Variants in EYS observed in about 807,000 individuals in gnomAD.
EYS encodes the protein protein eyes shut homolog.
In EYS, 250 loss-of-function variants were observed where a neutral mutation model predicts 282.1. That is an observed-to-expected ratio of 0.89 (90% CI 0.80 to 0.98). EYS has a LOEUF of 0.98. EYS is among the 50% of genes least tolerant of loss of function. The pLI, the probability that EYS is intolerant of heterozygous loss-of-function variation, is 0.00. For synonymous variants in EYS, 1,355 were observed against 1,282.9 expected (o/e 1.06, Z -1.20); for missense variants, 4,016 against 3,709.0 (o/e 1.08, Z -2.15).
intron 13 of EYS, among the ~76,000 whole-genome samples, chr6:65,035,876 A>AT (rs1362877140): frequency 6.8e-6 from 1 of 147,820 alleles, no homozygotes; most frequent in Non-Finnish European, 1.5e-5. Context: ...ATTATTAATA[A>AT]TTTGTTTGTA....
chr6:65,384,632 C>T (rs1414046323), intron 7 of EYS, 132 bp from the exon 8 acceptor site: 5 of 593,584 alleles, frequency 8.4e-6, no homozygotes, highest in South Asian at 2.1e-5. Flanking sequence ...TTAATACATA[C>T]CTGTGATCTT....
chr6:64,976,941 G>A (rs1350793864), intron 14 of EYS, among the ~76,000 whole-genome samples: 1 of 151,844 alleles, frequency 6.6e-6, no homozygotes, highest in African/African-American at 2.4e-5. Context: ...CACCCAGGCT[G>A]GAGTGCAGTG....
rs568147891 is a variant in EYS, at chr6:65,680,319, C to A, written c.-448+26816G>T. The stretch of plus-strand genomic sequence containing the variant: ...CAATATGAACTAGATTTGAAAGTTC[C>A]AACCACTTTCAACATTACATAAGAT... On this transcript the variant is annotated intron_variant, in intron 1 of 42. Transcript: ENST00000503581. Among the ~76,000 whole-genome samples the A allele has an allele frequency of 1.3e-3, 196 of 151,920 alleles. 4 individuals are homozygous for A. In the South Asian group the frequency reaches 0.04, roughly 31 times the overall value.
At chr6:64,852,064 A>T (rs759279937) in intron 19 of EYS, among the ~76,000 whole-genome samples, 6 of 152,168 alleles carry the variant, frequency 3.9e-5, no homozygotes, top group Non-Finnish European at 8.8e-5. Context: ...GCCACAATGT[A>T]GACAGTAGTG....
At position 65,495,262 on chromosome 6, in the gene EYS, C is replaced by A. The variant is rs61759464; in HGVS notation, c.149G>T (p.Cys50Phe). The change falls in exon 4 of 43, where the codon TGC becomes TTC. Residue 50 changes from cysteine (C) to phenylalanine (F), a missense_variant. Physicochemically the swap from Cys to Phe is radical, Grantham distance 205 (BLOSUM62 -2). Coordinates refer to ENST00000503581, the MANE Select transcript of EYS (RefSeq NM_001142800.2). ...VVNWTLTENI[C>F]LDFYRDCWFL... ...CCAGCAATCTCTGTAGAAGTCCAAGCAGATGTTTTCTGTTAGTGTCCAATT... is the reference window on the plus strand; with the variant it reads ...CCAGCAATCTCTGTAGAAGTCCAAGAAGATGTTTTCTGTTAGTGTCCAATT... 6 of 1,613,990 alleles carry A rather than the reference C, an allele frequency of 3.7e-6. No homozygotes were observed. The highest frequency in any genetic ancestry group is 5.1e-6 in the Non-Finnish European group (6 of 1,180,036).
At chr6:64,906,949 C>T (rs1767846997) in intron 16 of EYS, among the ~76,000 whole-genome samples, 1 of 152,134 alleles carries the variant, frequency 6.6e-6, no homozygotes, top group African/African-American at 2.4e-5. Flanking sequence ...CACATGGTAA[C>T]ATAATAATTC....
At chr6:64,062,851 C>G (rs1771225763) in intron 33 of EYS, among the ~76,000 whole-genome samples, 2 of 152,078 alleles carry the variant, frequency 1.3e-5, no homozygotes, top group African/African-American at 2.4e-5. Context: ...CACTTTACCT[C>G]TTTTTATACT....
rs143652179 is a variant in EYS, at chr6:64,997,022, C to T, written c.2259+560G>A. On this transcript the variant is annotated intron_variant, in intron 14 of 42. Transcript: ENST00000503581. The stretch of plus-strand genomic sequence containing the variant: ...TCAGGCTTTGTGAGAAATGAGGAGC[C>T]GGAGGGGATCCCAAATCAATTGCCA... Among the ~76,000 whole-genome samples the T allele has an allele frequency of 3.2e-3, 486 of 152,040 alleles. 2 individuals are homozygous for T. Among genetic ancestry groups the T allele is most frequent in the Middle Eastern group, 0.017 (5 of 294 alleles).
At chr6:65,366,815 C>CT (rs369032310) in intron 8 of EYS, among the ~76,000 whole-genome samples, 5 of 151,550 alleles carry the variant, frequency 3.3e-5, no homozygotes, top group African/African-American at 4.8e-5. Context: ...GTTTCTTTAT[C>CT]TTTTTCTCAG....
chr6:64,600,043 A>G (rs1171688547), intron 24 of EYS, among the ~76,000 whole-genome samples: 1 of 152,102 alleles, frequency 6.6e-6, no homozygotes, highest in Non-Finnish European at 1.5e-5. Context: ...GTAACATTTG[A>G]AGATAAAATG....
At chr6:65,260,745 CTAAA>C (rs1767598465) in intron 12 of EYS, among the ~76,000 whole-genome samples, 1 of 151,658 alleles carries the variant, frequency 6.6e-6, no homozygotes, top group Non-Finnish European at 1.5e-5. Flanking sequence ...TGTATGTGCT[CTAAA>C]TACACTTTTA....
At chr6:65,618,085 G>T (rs1339637951) in intron 2 of EYS, among the ~76,000 whole-genome samples, 2 of 152,134 alleles carry the variant, frequency 1.3e-5, no homozygotes, top group African/African-American at 4.8e-5. Context: ...GGATGGCTGG[G>T]TCAAATGGTA....
At chr6:65,075,370 A>G (rs1774017873) in intron 12 of EYS, among the ~76,000 whole-genome samples, 1 of 152,044 alleles carries the variant, frequency 6.6e-6, no homozygotes, top group African/African-American at 2.4e-5. Context: ...AGTATTAAAT[A>G]TTTTCTAAAG....
chr6:64,535,307 G>A (rs570099518), intron 26 of EYS, among the ~76,000 whole-genome samples: 5 of 152,170 alleles, frequency 3.3e-5, no homozygotes, highest in African/African-American at 1.2e-4. Context: ...ATATACTCCT[G>A]AAATAATTAT....
intron 12 of EYS, among the ~76,000 whole-genome samples, chr6:65,115,736 C>T (rs543841169): frequency 6.6e-6 from 1 of 152,024 alleles, no homozygotes; most frequent in African/African-American, 2.4e-5. Context: ...CTATTATCCA[C>T]CGGAGGCCAT....
intron 13 of EYS, among the ~76,000 whole-genome samples, chr6:65,040,081 C>G (rs561502351): frequency 1.3e-5 from 2 of 151,576 alleles, no homozygotes; most frequent in South Asian, 4.1e-4. Context: ...ATTAATGACA[C>G]TTTTATCAGA....
At chr6:64,022,646 A>G (rs1449562896) in intron 33 of EYS, among the ~76,000 whole-genome samples, 1 of 152,206 alleles carries the variant, frequency 6.6e-6, no homozygotes, top group Admixed American at 6.5e-5. Flanking sequence ...CAAGAATGTT[A>G]TTCTCTGCAA....
At chr6:64,290,457 G>T (rs1264531989) in intron 30 of EYS, among the ~76,000 whole-genome samples, 1 of 152,116 alleles carries the variant, frequency 6.6e-6, no homozygotes, top group Admixed American at 6.6e-5. Flanking sequence ...ACCTTAGGTA[G>T]GTTAAAATTT....
intron 13 of EYS, among the ~76,000 whole-genome samples, chr6:65,001,182 CAGA>C (rs1348828852): frequency 3.3e-5 from 4 of 119,596 alleles, no homozygotes; most frequent in African/African-American, 1.0e-4. Flanking sequence ...TTCACAAGGG[CAGA>C]AGGCCAGTAT....
Sources: allele counts gnomAD v4.1 joint callset (sites outside exome capture counted in the v4.1 genomes callset), GRCh38; gene constraint gnomAD v4.1.1; transcripts MANE v1.5; gene names NCBI Gene and HGNC (gene_info 2026-07-23, HGNC 2026-07-21).